SFMBT2: variants seen among roughly 807,000 people sequenced by gnomAD.
SFMBT2 encodes scm-like with four MBT domains protein 2.
Under a neutral mutation model 110.1 loss-of-function variants are expected in SFMBT2, and 38 were observed. The observed-to-expected ratio is 0.35, with a 90% CI of 0.27 to 0.45. The LOEUF is 0.45. SFMBT2 is among the 20% of genes least tolerant of loss of function. The probability of loss-of-function intolerance (pLI) is 1.00; values close to 1 mark genes in which losing one functional copy is unlikely to be tolerated. For missense variants in SFMBT2, 1,011 were observed against 1,094.9 expected (o/e 0.92, Z 1.08); for synonymous variants, 425 against 425.4 (o/e 1.00, Z 0.01).
intron 9 of SFMBT2, among the ~76,000 whole-genome samples, chr10:7,229,945 C>T (rs961375039): frequency 5.9e-5 from 9 of 151,702 alleles, no homozygotes; most frequent in East Asian, 2.0e-4. Flanking sequence ...TCTCGAACTC[C>T]TGACCTTATG....
At chr10:7,399,393 C>G (rs532837972) in intron 1 of SFMBT2, among the ~76,000 whole-genome samples, 1 of 152,118 alleles carries the variant, frequency 6.6e-6, no homozygotes, top group East Asian at 1.9e-4. Context: ...CCACTATGCC[C>G]AGCTAATTTT....
intron 4 of SFMBT2, among the ~76,000 whole-genome samples, chr10:7,324,693 G>A (rs995222478): frequency 3.3e-5 from 5 of 152,170 alleles, no homozygotes; most frequent in African/African-American, 2.4e-5. Context: ...AAACAGAAAC[G>A]TATCTCACAG....
At chr10:7,225,252 C>T (rs1839864762) in intron 10 of SFMBT2, among the ~76,000 whole-genome samples, 1 of 152,150 alleles carries the variant, frequency 6.6e-6, no homozygotes, top group South Asian at 2.1e-4. Context: ...GGATCAATAG[C>T]AAAACTGTTA....
At chr10:7,393,458 T>C (rs1028860899) in intron 1 of SFMBT2, among the ~76,000 whole-genome samples, 8 of 152,180 alleles carry the variant, frequency 5.3e-5, no homozygotes, top group African/African-American at 1.9e-4. Context: ...AATAATTAAA[T>C]TGGGGTCATT....
At chr10:7,287,343 T>G (rs1376357395) in intron 4 of SFMBT2, 1 of 218,082 alleles carries the variant, frequency 4.6e-6, no homozygotes, top group Non-Finnish European at 7.8e-6. Flanking sequence ...CCTCCCAAAG[T>G]GCTGGGATTA....
chr10:7,221,553 G>C (rs1441123002), intron 10 of SFMBT2, among the ~76,000 whole-genome samples: 1 of 146,654 alleles, frequency 6.8e-6, no homozygotes, highest in Non-Finnish European at 1.5e-5. Flanking sequence ...GCGACAGAGT[G>C]AGACTCTGTC....
In SFMBT2 at chr10:7,197,598, C is replaced by T. The variant is rs899834540; in HGVS notation, c.1648G>A (p.Glu550Lys). ...GPYLNKGRIA[E>K]LPQSVGPGKC... ...CCCGGTCCCACCGACTGAGGTAGCT[C>T]TGCAATCCTTCCTTTGTTCAGGTAA... The change falls in exon 15 of 21, where the codon GAG becomes AAG. Residue 550 changes from glutamate to lysine, a missense_variant. This residue lies in a region of SFMBT2 where 979 missense variants were observed against 1,016.1 expected (regional missense o/e 0.96). Transcript: ENST00000397167. The T allele has an allele frequency of 6.2e-7, 1 of 1,614,108 alleles. No individual in the cohort carries two copies. The highest frequency in any genetic ancestry group is 8.5e-7 in the Non-Finnish European group (1 of 1,180,052).
chr10:7,343,998 G>A (rs1398062477), intron 4 of SFMBT2, among the ~76,000 whole-genome samples: 3 of 152,118 alleles, frequency 2.0e-5, no homozygotes, highest in Non-Finnish European at 2.9e-5. Context: ...AAAGATCATA[G>A]GCCAATTCAC....
intron 6 of SFMBT2, among the ~76,000 whole-genome samples, chr10:7,280,520 A>G (rs1841921246): frequency 6.6e-6 from 1 of 152,206 alleles, no homozygotes; most frequent in South Asian, 2.1e-4. Flanking sequence ...AGTCTATCTT[A>G]TTTTCTAAAC....
At chr10:7,321,481 G>A (rs796443870) in intron 4 of SFMBT2, among the ~76,000 whole-genome samples, 6 of 152,102 alleles carry the variant, frequency 3.9e-5, no homozygotes, top group African/African-American at 7.2e-5. Context: ...GATTACAGGC[G>A]TGAGCCACCG....
intron 13 of SFMBT2, chr10:7,200,945 A>C (rs1432222850): frequency 7.2e-6 from 5 of 694,878 alleles, no homozygotes; most frequent in East Asian, 2.7e-4. Context: ...ACTAAAAATA[A>C]GGCCTTAAAA....
At chr10:7,393,259 G>C (rs532633482) in intron 1 of SFMBT2, among the ~76,000 whole-genome samples, 2 of 151,762 alleles carry the variant, frequency 1.3e-5, no homozygotes, top group Non-Finnish European at 2.9e-5. Context: ...TCAAACTCCT[G>C]ACCTCAGGTG....
At chr10:7,387,791 A>G (rs1588503049) in intron 1 of SFMBT2, among the ~76,000 whole-genome samples, 1 of 151,844 alleles carries the variant, frequency 6.6e-6, no homozygotes, top group Middle Eastern at 3.4e-3. Context: ...AAAAAAAAAA[A>G]AAACCAATTA....
intron 4 of SFMBT2, among the ~76,000 whole-genome samples, chr10:7,364,013 C>T (rs1844811849): frequency 6.6e-6 from 1 of 152,078 alleles, no homozygotes; most frequent in Non-Finnish European, 1.5e-5. Context: ...GATATCAGGT[C>T]TCTAAGACAG....
intron 7 of SFMBT2, among the ~76,000 whole-genome samples, chr10:7,251,753 TGTCA>T (rs1436592678): frequency 6.6e-6 from 1 of 152,178 alleles, no homozygotes. Flanking sequence ...AACAGATGAA[TGTCA>T]GTGTTTCTCA....
At chr10:7,349,440 CT>C (rs369479041) in intron 4 of SFMBT2, among the ~76,000 whole-genome samples, 1,456 of 46,810 alleles carry the variant, frequency 0.031, 6 homozygotes, top group Non-Finnish European at 0.043. Context: ...CTTTTCTTTT[CT>C]TTTTTTTTTT....
chr10:7,301,633 C>T lies in SFMBT2; in HGVS notation c.437-15679G>A, dbSNP rs1842561363. Among the ~76,000 whole-genome samples the T allele has an allele frequency of 6.6e-6, 1 of 152,174 alleles. No individual in the cohort carries two copies. Among genetic ancestry groups the T allele is most frequent in the South Asian group, 2.1e-4 (1 of 4,826 alleles). ...CTGCCTCCACAGGACAAACCAGAGA[C>T]TGCAATGAGAGGGAGGAGCTGCAGC... On this transcript the variant is annotated intron_variant, in intron 4 of 20. Coordinates refer to ENST00000397167, the MANE Select transcript of SFMBT2 (RefSeq NM_001387889.1). The surrounding 1 kb of genome is among the most constrained non-coding windows in gnomAD (Gnocchi z 4.2).
intron 2 of SFMBT2, among the ~76,000 whole-genome samples, chr10:7,373,652 C>T (rs1037208103): frequency 6.6e-6 from 1 of 152,184 alleles, no homozygotes; most frequent in Admixed American, 6.5e-5. Context: ...CCACCCGTGT[C>T]TCCTGCAGAA....
At chr10:7,196,965 G>A (rs112487221) in intron 15 of SFMBT2, among the ~76,000 whole-genome samples, 35 of 152,286 alleles carry the variant, frequency 2.3e-4, no homozygotes, top group African/African-American at 8.2e-4. Flanking sequence ...GAAGAAATGG[G>A]GAGCCACAGC....
Sources: gnomAD v4.1 joint callset for allele counts (sites outside exome capture counted in the v4.1 genomes callset) on GRCh38, gnomAD v4.1.1 for gene constraint, gnomAD v4.1.1 regional missense constraint, Gnocchi (gnomAD v3.1) non-coding constraint, MANE v1.5 for transcripts, NCBI Gene and HGNC (gene_info 2026-07-23, HGNC 2026-07-21) for gene names.